SKIC3: variants seen among roughly 807,000 people sequenced by gnomAD.
SKIC3 encodes the protein SKI3 subunit of superkiller complex.
chr5:95,468,089 C>A, the SKIC3 span: 1 of 1,460,248 alleles, frequency 6.8e-7, no homozygotes, highest in Non-Finnish European at 9.4e-7. Context: ...CATATTTTTG[C>A]AGATGTAGTG....
At chr5:95,541,403 A>G in the SKIC3 span, 1 of 1,610,254 alleles carries the variant, frequency 6.2e-7, no homozygotes, top group East Asian at 2.2e-5. Flanking sequence ...CAAAACACAC[A>G]CACACAAAAG....
At chr5:95,512,643 G>A in the SKIC3 span, 2 of 1,613,362 alleles carry the variant, frequency 1.2e-6, no homozygotes, top group Non-Finnish European at 1.7e-6. Context: ...ACGTTAAGCA[G>A]ACATAGGATA....
the SKIC3 span, chr5:95,495,105 A>C: frequency 2.4e-6 from 3 of 1,267,274 alleles, no homozygotes; most frequent in Non-Finnish European, 3.4e-6. Context: ...TTTCCACTAA[A>C]TCACTGGAAA....
chr5:95,501,885 A>G, the SKIC3 span, among the ~76,000 whole-genome samples: 1 of 152,132 alleles, frequency 6.6e-6, no homozygotes, highest in Admixed American at 6.6e-5. Context: ...ATATATAACG[A>G]TAGATACATG....
chr5:95,506,403 A>G, the SKIC3 span, among the ~76,000 whole-genome samples: 2 of 152,112 alleles, frequency 1.3e-5, no homozygotes, highest in Admixed American at 6.5e-5. Flanking sequence ...TCCTCCTACA[A>G]TACTTCTATT....
At chr5:95,470,126 C>T in the SKIC3 span, among the ~76,000 whole-genome samples, 1,043 of 151,948 alleles carry the variant, frequency 6.9e-3, 13 homozygotes, top group African/African-American at 0.022. Context: ...TACAGGCGCC[C>T]GCCACCACAC....
At chr5:95,524,570 T>C in the SKIC3 span, 7 of 1,613,582 alleles carry the variant, frequency 4.3e-6, no homozygotes, top group Non-Finnish European at 5.9e-6. Context: ...CTTCGGTATC[T>C]TTCTCAAGAG....
chr5:95,479,634 A>C, the SKIC3 span, among the ~76,000 whole-genome samples: 1 of 151,906 alleles, frequency 6.6e-6, no homozygotes, highest in Non-Finnish European at 1.5e-5. Flanking sequence ...TTTATAAATT[A>C]AACTTTATCA....
At chr5:95,532,496 T>C in the SKIC3 span, among the ~76,000 whole-genome samples, 1 of 152,120 alleles carries the variant, frequency 6.6e-6, no homozygotes, top group Non-Finnish European at 1.5e-5. Context: ...GATCCTTGTA[T>C]AAAGAGACAA....
the SKIC3 span, chr5:95,503,814 C>T: frequency 6.2e-7 from 1 of 1,613,626 alleles, no homozygotes; most frequent in South Asian, 1.1e-5. Flanking sequence ...ATATACTTAC[C>T]TTTGCTGCTC....
At chr5:95,489,979 T>C in the SKIC3 span, among the ~76,000 whole-genome samples, 1 of 152,212 alleles carries the variant, frequency 6.6e-6, no homozygotes, top group Non-Finnish European at 1.5e-5. Context: ...GCAGTAATGA[T>C]GCTTAACATT....
At chr5:95,485,951 C>A in the SKIC3 span, among the ~76,000 whole-genome samples, 1 of 152,100 alleles carries the variant, frequency 6.6e-6, no homozygotes, top group African/African-American at 2.4e-5. Flanking sequence ...AGAAAGGCTC[C>A]TGAATGCAGG....
the SKIC3 span, chr5:95,469,999 C>T: frequency 1.6e-3 from 2,225 of 1,431,566 alleles, 37 homozygotes; most frequent in African/African-American, 0.03. Context: ...TTTTTTGAGA[C>T]GGAGTCTCGC....
chr5:95,542,495 C>CA, the SKIC3 span, among the ~76,000 whole-genome samples: 43 of 149,882 alleles, frequency 2.9e-4, no homozygotes, highest in East Asian at 1.6e-3. Flanking sequence ...TATGATCAAA[C>CA]AAAAAAAAAT....
chr5:95,482,664 A>G, the SKIC3 span: 9 of 1,612,268 alleles, frequency 5.6e-6, no homozygotes, highest in Non-Finnish European at 6.8e-6. Context: ...GAACACATCA[A>G]ATAGGTTCTT....
the SKIC3 span, among the ~76,000 whole-genome samples, chr5:95,546,717 C>T: frequency 2.0e-5 from 3 of 152,106 alleles, no homozygotes; most frequent in African/African-American, 7.2e-5. Flanking sequence ...AATCTTGGTC[C>T]TCTCATCCAC....
chr5:95,535,282 A>G, the SKIC3 span, among the ~76,000 whole-genome samples: 105 of 151,770 alleles, frequency 6.9e-4, 2 homozygotes, highest in East Asian at 0.019. Flanking sequence ...TGCTTCTACC[A>G]AAACCAGAGC....
At chr5:95,499,057 T>C in the SKIC3 span, among the ~76,000 whole-genome samples, 3 of 152,216 alleles carry the variant, frequency 2.0e-5, no homozygotes, top group Admixed American at 2.0e-4. Context: ...GGTTAAGAGA[T>C]AGCAATTTCC....
At chr5:95,515,079 A>C in the SKIC3 span, 1 of 706,918 alleles carries the variant, frequency 1.4e-6, no homozygotes, top group Admixed American at 2.3e-5. Context: ...TGCTTAAAGC[A>C]GTGTTTTAAC....
Sources: allele counts gnomAD v4.1 joint callset (sites outside exome capture counted in the v4.1 genomes callset), GRCh38; gene constraint gnomAD v4.1.1; transcripts MANE v1.5; gene names NCBI Gene and HGNC (gene_info 2026-07-23, HGNC 2026-07-21).